The following TENM1 variants were observed in gnomAD, a reference collection of about 807,000 sequenced individuals.
The protein encoded by TENM1 is teneurin-1.
A neutral mutation model predicts 174.8 loss-of-function variants in TENM1; 35 were observed. The ratio of observed to expected loss-of-function variants is 0.20; its 90% CI spans 0.15 to 0.27. The LOEUF (loss-of-function observed/expected upper bound fraction) is 0.27, where lower values mean the gene tolerates loss of function less well. Ranked by LOEUF, TENM1 falls within the 10% of genes least tolerant of loss-of-function variation. The pLI is 1.00. For missense variants in TENM1, 1,633 were observed against 2,130.1 expected (o/e 0.77, Z 4.59); for synonymous variants, 781 against 798.7 (o/e 0.98, Z 0.37).
the TENM1 span, among the ~76,000 whole-genome samples, chrX:124,994,180 C>A: frequency 9.6e-6 from 1 of 103,886 alleles, no homozygotes; most frequent in Admixed American, 1.1e-4. Flanking sequence ...GACTCATTAA[C>A]TCATGACACA....
chrX:124,844,909 G>A (rs1315549189), intron 3 of TENM1, among the ~76,000 whole-genome samples: 1 of 110,879 alleles, frequency 9.0e-6, no homozygotes, highest in Non-Finnish European at 1.9e-5. Flanking sequence ...AGAATCACTT[G>A]TGAAGCTTGT....
At chrX:125,024,384 A>C in the TENM1 span, among the ~76,000 whole-genome samples, 6 of 105,088 alleles carry the variant, frequency 5.7e-5, no homozygotes, top group African/African-American at 2.3e-4. Flanking sequence ...ACACACACAC[A>C]CCACACACAC....
chrX:124,632,570 C>T (rs905579348), intron 11 of TENM1, among the ~76,000 whole-genome samples: 1 of 110,598 alleles, frequency 9.0e-6, no homozygotes, highest in Non-Finnish European at 1.9e-5. Flanking sequence ...CCCTCTTCTC[C>T]TTCTCTCTAA....
chrX:124,643,487 C>T (rs2051070089), intron 10 of TENM1, among the ~76,000 whole-genome samples: 1 of 111,107 alleles, frequency 9.0e-6, no homozygotes, highest in Admixed American at 9.6e-5. Context: ...CCCAGGGTCA[C>T]CAGATTTTCT....
exon 32 of TENM1, chrX:124,381,200 C>G (rs764579928): frequency 8.3e-7 from 1 of 1,208,366 alleles, no homozygotes; most frequent in African/African-American, 1.7e-5. Context: ...TTCAAGGCAC[C>G]GTCCATCATT....
At chrX:124,918,119 G>C (rs946481806) in intron 1 of TENM1, among the ~76,000 whole-genome samples, 1 of 111,372 alleles carries the variant, frequency 9.0e-6, no homozygotes, top group Non-Finnish European at 1.9e-5. Context: ...GGCTATTTCT[G>C]GAGTACAGGA....
At chrX:125,022,692 C>T in the TENM1 span, among the ~76,000 whole-genome samples, 4 of 111,272 alleles carry the variant, frequency 3.6e-5, no homozygotes, top group Non-Finnish European at 5.7e-5. Context: ...CAAGCATCAT[C>T]GAGCCTAATT....
the TENM1 span, among the ~76,000 whole-genome samples, chrX:124,978,380 A>G: frequency 4.3e-4 from 48 of 112,058 alleles, no homozygotes; most frequent in East Asian, 0.013. Context: ...GGTTTTACTG[A>G]GGATGAGTTA....
intron 3 of TENM1, among the ~76,000 whole-genome samples, chrX:124,799,938 C>T (rs905718722): frequency 1.8e-5 from 2 of 111,902 alleles, no homozygotes; most frequent in Admixed American, 9.5e-5. Context: ...AGCCTTGCAT[C>T]CCAGGGATGA....
At chrX:124,669,551 T>C (rs1400093147) in intron 6 of TENM1, among the ~76,000 whole-genome samples, 1 of 110,158 alleles carries the variant, frequency 9.1e-6, no homozygotes, top group Non-Finnish European at 1.9e-5. Flanking sequence ...AGTATACATA[T>C]GGCATTAAAA....
intron 11 of TENM1, among the ~76,000 whole-genome samples, chrX:124,606,099 G>A (rs2050149762): frequency 9.0e-6 from 1 of 111,298 alleles, no homozygotes. Context: ...AGATTACAAT[G>A]CATTTTGCAA....
intron 3 of TENM1, among the ~76,000 whole-genome samples, chrX:124,767,064 T>G (rs1215752925): frequency 1.8e-5 from 2 of 111,737 alleles, no homozygotes; most frequent in African/African-American, 3.2e-5. Context: ...GTAGGGCCTA[T>G]AAACCCCAGC....
chrX:124,517,598 G>A (rs2047737551), intron 18 of TENM1, among the ~76,000 whole-genome samples: 1 of 99,534 alleles, frequency 1.0e-5, no homozygotes, highest in Non-Finnish European at 2.0e-5. Flanking sequence ...TCACTCATAG[G>A]TGGGAATTGA....
the TENM1 span, among the ~76,000 whole-genome samples, chrX:124,991,647 C>T: frequency 9.1e-6 from 1 of 110,462 alleles, no homozygotes; most frequent in African/African-American, 3.3e-5. Context: ...ACTTTTCCTG[C>T]TCTGATAATG....
At chrX:124,834,025 T>C (rs1277149052) in intron 3 of TENM1, among the ~76,000 whole-genome samples, 2 of 111,112 alleles carry the variant, frequency 1.8e-5, no homozygotes, top group African/African-American at 6.6e-5. Context: ...AAGACATAAG[T>C]ATGAGACTTC....
At chrX:124,608,942 G>A (rs751079195) in intron 11 of TENM1, among the ~76,000 whole-genome samples, 29 of 110,629 alleles carry the variant, frequency 2.6e-4, no homozygotes, top group South Asian at 7.7e-4. Context: ...TTTTTGCAGC[G>A]CAAAAATCTA....
chrX:124,696,782 T>C (rs916152921), intron 5 of TENM1, among the ~76,000 whole-genome samples: 1 of 111,731 alleles, frequency 9.0e-6, no homozygotes, highest in Admixed American at 9.5e-5. Context: ...GAAATGTAGA[T>C]TCATAAGTGA....
At chrX:124,770,431 G>A (rs1198993236) in intron 3 of TENM1, among the ~76,000 whole-genome samples, 1 of 111,143 alleles carries the variant, frequency 9.0e-6, no homozygotes, top group Non-Finnish European at 1.9e-5. Context: ...TTTGAGATAG[G>A]GTCTTGCTCT....
At chrX:124,589,362 T>C (rs1266725895) in intron 11 of TENM1, among the ~76,000 whole-genome samples, 1 of 105,911 alleles carries the variant, frequency 9.4e-6, no homozygotes, top group East Asian at 2.9e-4. Context: ...TTTGTTGTTG[T>C]TGTTGTTGTT....
Sources: gnomAD v4.1 joint callset for allele counts (sites outside exome capture counted in the v4.1 genomes callset) on GRCh38, gnomAD v4.1.1 for gene constraint, MANE v1.5 for transcripts, NCBI Gene and HGNC (gene_info 2026-07-23, HGNC 2026-07-21) for gene names.